The following MARCHF10 variants were observed in gnomAD, a reference collection of about 807,000 sequenced individuals.
MARCHF10 encodes membrane associated ring-CH-type finger 10, also known as probable E3 ubiquitin-protein ligase MARCHF10.
A neutral mutation model predicts 76.2 loss-of-function variants in MARCHF10; 64 were observed. The observed-to-expected ratio is 0.84, with a 90% CI of 0.69 to 1.03. The LOEUF (loss-of-function observed/expected upper bound fraction) is 1.03, where lower values mean the gene tolerates loss of function less well. Among genes scored for constraint, MARCHF10 ranks in the 50% least tolerant of loss-of-function variants. MARCHF10 has a pLI of 0.00. For missense variants in MARCHF10, 875 were observed against 958.0 expected (o/e 0.91, Z 1.14); for synonymous variants, 340 against 357.5 (o/e 0.95, Z 0.55).
At chr17:62,745,405 T>C (rs2091669031) in intron 4 of MARCHF10, among the ~76,000 whole-genome samples, 1 of 152,112 alleles carries the variant, frequency 6.6e-6, no homozygotes. Context: ...CGCCCAGCCT[T>C]GCTAAGAAGT....
At position 62,701,648 on chromosome 17, in the gene MARCHF10, A is replaced by C; in HGVS notation, c.*55T>G. On this transcript the variant is annotated 3_prime_UTR_variant, in exon 11 of 11. Coordinates refer to ENST00000311269, the MANE Select transcript of MARCHF10 (RefSeq NM_152598.4). Reference sequence around the variant, plus strand: ...GAGGGAGGGAGGCACTTGGGGACGTAGAAAGAAGGGCTGGCGGGAGAGGTC... The same window carrying C: ...GAGGGAGGGAGGCACTTGGGGACGTCGAAAGAAGGGCTGGCGGGAGAGGTC... 1 of 1,613,170 alleles carries C rather than the reference A, an allele frequency of 6.2e-7. No individual in the cohort carries two copies. The highest frequency in any genetic ancestry group is 8.5e-7 in the Non-Finnish European group (1 of 1,179,854).
chr17:62,770,542 A>AAT (rs2092423407), intron 3 of MARCHF10, among the ~76,000 whole-genome samples: 5 of 102,474 alleles, frequency 4.9e-5, no homozygotes, highest in Non-Finnish European at 1.1e-4. Flanking sequence ...TTGTATTTTG[A>AAT]CTTTTTTTTT....
intron 2 of MARCHF10, among the ~76,000 whole-genome samples, chr17:62,800,727 C>A (rs74316970): frequency 0.018 from 2,674 of 152,292 alleles, 29 homozygotes; most frequent in East Asian, 0.051. Flanking sequence ...GGTCCCACCT[C>A]TGGTGGGATG....
rs568081654 is a variant in MARCHF10 at position 62,744,462 on chromosome 17, G to T, written c.449C>A (p.Pro150Gln). ...AGATGCTCTCGGGCTGTGCGATTCT[G>T]GGCTGACTGTAAATCTCCTCAGGTT... ...KPNLRRFTVS[P>Q]ESHSPRASGD... The change falls in exon 5 of 11, where the codon CCA (proline) becomes CAA (glutamine). Residue 150 changes from proline (P) to glutamine (Q), a missense_variant. Pro to Gln is a moderately conservative substitution (Grantham distance 76). Coordinates refer to ENST00000311269, the MANE Select transcript of MARCHF10 (RefSeq NM_152598.4). 2 of 1,614,136 alleles carry T rather than the reference G, an allele frequency of 1.2e-6. No individual in the cohort carries two copies. Among genetic ancestry groups the T allele is most frequent in the African/African-American group, 2.7e-5 (2 of 75,026 alleles).
intron 4 of MARCHF10, 109 bp downstream of exon 4, chr17:62,759,726 C>T (rs1031538617): frequency 1.1e-5 from 13 of 1,140,934 alleles, no homozygotes; most frequent in Admixed American, 2.3e-5. Context: ...CGGCCTCAGC[C>T]TCTCAAAGTG....
At chr17:62,789,269 T>G (rs989310307) in intron 2 of MARCHF10, among the ~76,000 whole-genome samples, 1 of 152,068 alleles carries the variant, frequency 6.6e-6, no homozygotes. Context: ...CTTCCTACCT[T>G]CACTATACTG....
chr17:62,714,490 CTG>C (rs2090092332), intron 8 of MARCHF10: 1 of 857,594 alleles, frequency 1.2e-6, no homozygotes, highest in African/African-American at 1.8e-5. Context: ...GCGTTAAGAT[CTG>C]TGAGGGCAAG....
In MARCHF10 at chr17:62,736,952, G is replaced by C; in HGVS notation, c.916C>G (p.Arg306Gly). Residue 306 changes from arginine to glycine, a missense_variant, in exon 6 of 11, where the codon CGC (arginine) becomes GGC (glycine). Arg to Gly is a moderately radical substitution (Grantham distance 125, BLOSUM62 -2). Coordinates refer to ENST00000311269, the MANE Select transcript of MARCHF10 (RefSeq NM_152598.4). ...TGATGGGAAGGAGAACAGGGTGAGC[G>C]CACACCAACCCACAGACATTCTTCA... is the stretch of plus-strand genomic sequence containing the variant. ...QSEECLWVGV[R>G]SPCSPSHHKR... is the part of the protein sequence containing the mutation. 2 of 1,614,058 alleles carry C rather than the reference G, an allele frequency of 1.2e-6. No individual in the cohort carries two copies. The highest frequency in any genetic ancestry group is 1.7e-6 in the Non-Finnish European group (2 of 1,180,018).
At chr17:62,749,087 A>G (rs997192894) in intron 4 of MARCHF10, among the ~76,000 whole-genome samples, 1 of 152,208 alleles carries the variant, frequency 6.6e-6, no homozygotes, top group Non-Finnish European at 1.5e-5. Context: ...GAGAAAGGTG[A>G]TGCCTCCAGT....
chr17:62,716,759 G>A (rs1400134590), intron 8 of MARCHF10, among the ~76,000 whole-genome samples: 1 of 152,114 alleles, frequency 6.6e-6, no homozygotes, highest in Non-Finnish European at 1.5e-5. Context: ...TTAGTTTGAG[G>A]TTAAGTGAGA....
At position 62,705,576 on chromosome 17, in the gene MARCHF10, T is replaced by C; in HGVS notation, c.2334A>G (p.Ser778=). The change falls in exon 10 of 11, where the codon TCA becomes TCG. Residue 778 remains serine (S), a synonymous_variant. Transcript: ENST00000311269. ...NHNQVERERL[S]RNYPQPRTEE... is the part of the protein sequence containing the mutation. ...CTGTTCTGGGTTGTGGGTAATTTCT[T>C]GACAACTACAAGAAAGAAGACAATG... 1.2e-6 allele frequency: 2 copies of C among 1,614,102 alleles called. No homozygotes were observed. The highest frequency in any genetic ancestry group is 8.5e-7 in the Non-Finnish European group (1 of 1,179,994).
chr17:62,784,867 A>C (rs1447180664), intron 3 of MARCHF10, among the ~76,000 whole-genome samples: 1 of 152,246 alleles, frequency 6.6e-6, no homozygotes, highest in East Asian at 1.9e-4. Context: ...GTTCAACGAA[A>C]TAAAAGAGGA....
chr17:62,735,853 C>A, intron 6 of MARCHF10, 78 bp downstream of exon 6: 2 of 1,378,746 alleles, frequency 1.5e-6, no homozygotes, highest in African/African-American at 1.5e-5. Context: ...TTAAAATTCC[C>A]ATGGCTCTCT....
chr17:62,710,897 G>A (rs968906662), intron 9 of MARCHF10, among the ~76,000 whole-genome samples: 1 of 152,084 alleles, frequency 6.6e-6, no homozygotes, highest in African/African-American at 2.4e-5. Context: ...ATGTTCGGGT[G>A]CCCACACGTA....
At chr17:62,793,475 TCACCACCACCTCCATCAC>T (rs1598057598) in intron 2 of MARCHF10, among the ~76,000 whole-genome samples, 5 of 46,126 alleles carry the variant, frequency 1.1e-4, no homozygotes, top group Non-Finnish European at 2.0e-4. Context: ...ACCACCACCA[TCACCACCACCTCCATCAC>T]CACCACCACC....
intron 8 of MARCHF10, among the ~76,000 whole-genome samples, chr17:62,715,625 G>C (rs759630217): frequency 6.6e-6 from 1 of 152,194 alleles, no homozygotes; most frequent in Non-Finnish European, 1.5e-5. Flanking sequence ...CAGCACTACC[G>C]AAAGAGTCAG....
At chr17:62,733,275 G>GT (rs944800782) in intron 6 of MARCHF10, among the ~76,000 whole-genome samples, 25 of 152,048 alleles carry the variant, frequency 1.6e-4, no homozygotes, top group African/African-American at 5.3e-4. Flanking sequence ...CCTGGGCAAC[G>GT]TAGTGAGACC....
intron 6 of MARCHF10, 39 bp downstream of exon 6, chr17:62,735,892 G>C (rs992387710): frequency 2.6e-6 from 4 of 1,566,978 alleles, no homozygotes; most frequent in Middle Eastern, 1.7e-4. Context: ...TTTGGCCTTG[G>C]GAAAGTGGAA....
At chr17:62,720,702 G>A (rs1349744935) in intron 8 of MARCHF10, among the ~76,000 whole-genome samples, 1 of 152,156 alleles carries the variant, frequency 6.6e-6, no homozygotes, top group African/African-American at 2.4e-5. Context: ...ACTGAAGTGT[G>A]GGGATACCCT....
Sources: gnomAD v4.1 joint callset for allele counts (sites outside exome capture counted in the v4.1 genomes callset) on GRCh38, gnomAD v4.1.1 for gene constraint, MANE v1.5 for transcripts, NCBI Gene and HGNC (gene_info 2026-07-23, HGNC 2026-07-21) for gene names.